Variants in WNK3 observed in about 807,000 individuals in gnomAD.
The protein encoded by WNK3 is serine/threonine-protein kinase WNK3.
Under a neutral mutation model 116.7 loss-of-function variants are expected in WNK3, and 18 were observed. That is an observed-to-expected ratio of 0.15 (90% CI 0.11 to 0.23). The LOEUF is 0.23. WNK3 is among the 10% of genes least tolerant of loss of function. The pLI, the probability that WNK3 is intolerant of heterozygous loss-of-function variation, is 1.00. For synonymous variants in WNK3, 404 were observed against 469.4 expected (o/e 0.86, Z 1.80); for missense variants, 993 against 1,323.8 (o/e 0.75, Z 3.88).
At chrX:54,234,782 C>T (rs1181049519) in intron 20 of WNK3, among the ~76,000 whole-genome samples, 8 of 106,605 alleles carry the variant, frequency 7.5e-5, no homozygotes, top group African/African-American at 2.4e-4. Flanking sequence ...GCCGAGATCA[C>T]GCCACTGCAC....
At chrX:54,242,145 T>C (rs1407857998) in intron 17 of WNK3, among the ~76,000 whole-genome samples, 1 of 111,425 alleles carries the variant, frequency 9.0e-6, no homozygotes, top group African/African-American at 3.3e-5. Context: ...GTTGTATTTT[T>C]ATATACTAGC....
chrX:54,198,501 A>G, exon 24 of WNK3: 1 of 1,210,120 alleles, frequency 8.3e-7, no homozygotes, highest in African/African-American at 1.7e-5. Context: ...CCACAGCATT[A>G]TACTGACAAA....
intron 22 of WNK3, among the ~76,000 whole-genome samples, chrX:54,203,074 C>A (rs782755960): frequency 1.1e-3 from 125 of 111,299 alleles, no homozygotes; most frequent in Non-Finnish European, 2.0e-3. Flanking sequence ...TATTTTTTAC[C>A]GATATTTCTG....
intron 1 of WNK3, among the ~76,000 whole-genome samples, chrX:54,348,374 A>T (rs1203526125): frequency 1.8e-5 from 2 of 110,806 alleles, no homozygotes; most frequent in African/African-American, 3.3e-5. Context: ...ACGAGGTTTC[A>T]CCATGTTGGC....
chrX:54,270,454 G>T (rs1473887760), intron 10 of WNK3, among the ~76,000 whole-genome samples: 1 of 103,039 alleles, frequency 9.7e-6, no homozygotes, highest in Admixed American at 1.1e-4. Context: ...GCCCAGGCTG[G>T]AGTGCAATGG....
intron 2 of WNK3, among the ~76,000 whole-genome samples, chrX:54,316,224 A>G (rs781978469): frequency 1.8e-5 from 2 of 111,146 alleles, no homozygotes; most frequent in South Asian, 3.8e-4. Flanking sequence ...TTGATCCAAT[A>G]GGATTAGTAT....
At chrX:54,276,925 G>A (rs2068456172) in intron 10 of WNK3, among the ~76,000 whole-genome samples, 1 of 111,663 alleles carries the variant, frequency 9.0e-6, no homozygotes. Flanking sequence ...CCATGTTGGC[G>A]AGGCTGTTAT....
At chrX:54,215,745 A>G (rs1261150384) in intron 22 of WNK3, among the ~76,000 whole-genome samples, 1 of 109,497 alleles carries the variant, frequency 9.1e-6, no homozygotes, top group Non-Finnish European at 1.9e-5. Flanking sequence ...GGAAGTGAGG[A>G]GCCCCTCTGC....
intron 2 of WNK3, among the ~76,000 whole-genome samples, chrX:54,313,971 C>CGATCT (rs1309390054): frequency 9.2e-6 from 1 of 109,266 alleles, no homozygotes; most frequent in Non-Finnish European, 1.9e-5. Context: ...GCGGGCAGAT[C>CGATCT]GCCTGAGGTC....
At chrX:54,280,309 A>G in intron 10 of WNK3, among the ~76,000 whole-genome samples, 1 of 111,147 alleles carries the variant, frequency 9.0e-6, no homozygotes, top group Admixed American at 9.6e-5. Context: ...AAAAAAAAAA[A>G]ATATAAATTG....
intron 2 of WNK3, among the ~76,000 whole-genome samples, chrX:54,319,719 T>C (rs1007988605): frequency 3.6e-5 from 4 of 112,524 alleles, no homozygotes; most frequent in African/African-American, 1.3e-4. Context: ...CCTGTTAAAG[T>C]AGCACCAAAA....
exon 17 of WNK3, chrX:54,249,570 T>G: frequency 8.3e-7 from 1 of 1,211,605 alleles, no homozygotes; most frequent in Non-Finnish European, 1.1e-6. Context: ...CACGGTGGCA[T>G]GGATTATTTT....
intron 22 of WNK3, among the ~76,000 whole-genome samples, chrX:54,228,246 A>C (rs2067864068): frequency 8.9e-6 from 1 of 111,954 alleles, no homozygotes; most frequent in South Asian, 3.7e-4. Context: ...ACTCATAGAA[A>C]AGGGATTTCT....
At chrX:54,353,359 G>A (rs1031174191) in intron 1 of WNK3, among the ~76,000 whole-genome samples, 1 of 111,026 alleles carries the variant, frequency 9.0e-6, no homozygotes, top group Non-Finnish European at 1.9e-5. Flanking sequence ...TCGGGATGCT[G>A]AGGCAGGAGA....
intron 10 of WNK3, among the ~76,000 whole-genome samples, chrX:54,286,192 A>AAAAC (rs1170857800): frequency 9.1e-6 from 1 of 109,896 alleles, no homozygotes; most frequent in Non-Finnish European, 1.9e-5. Context: ...GTAGTGCAGG[A>AAAAC]AAACAAACAA....
chrX:54,333,720 T>C, exon 2 of WNK3: 2 of 981,645 alleles, frequency 2.0e-6, no homozygotes, highest in African/African-American at 3.8e-5. Context: ...TACTCTTCAG[T>C]CCAGTTACAT....
At chrX:54,325,406 T>C (rs982298919) in intron 2 of WNK3, among the ~76,000 whole-genome samples, 4 of 110,223 alleles carry the variant, frequency 3.6e-5, no homozygotes, top group African/African-American at 9.9e-5. Flanking sequence ...TGGCCGGGCG[T>C]TGTGGCTCAC....
chrX:54,211,168 G>A (rs1158540128), intron 22 of WNK3, among the ~76,000 whole-genome samples: 1 of 111,864 alleles, frequency 8.9e-6, no homozygotes, highest in Non-Finnish European at 1.9e-5. Context: ...CAGGCTGAGC[G>A]TGGTGGCTCA....
exon 8 of WNK3, chrX:54,294,774 A>G: frequency 8.3e-7 from 1 of 1,210,672 alleles, no homozygotes; most frequent in Non-Finnish European, 1.1e-6. Flanking sequence ...TGTCTTCTTT[A>G]TTGGCGTCAC....
Sources: allele counts gnomAD v4.1 joint callset (sites outside exome capture counted in the v4.1 genomes callset), GRCh38; gene constraint gnomAD v4.1.1; transcripts MANE v1.5; gene names NCBI Gene and HGNC (gene_info 2026-07-23, HGNC 2026-07-21).